The following SYT1 variants were observed in gnomAD, a reference collection of about 807,000 sequenced individuals.
The protein encoded by SYT1 is synaptotagmin-1.
Under a neutral mutation model 44.8 loss-of-function variants are expected in SYT1, and 8 were observed. The observed-to-expected ratio is 0.18, with a 90% confidence interval of 0.10 to 0.32. The LOEUF is 0.32. SYT1 is among the 10% of genes least tolerant of loss of function. SYT1 has a pLI of 1.00. For missense variants in SYT1, 286 were observed against 509.3 expected (o/e 0.56, Z 4.22); for synonymous variants, 154 against 188.8 (o/e 0.82, Z 1.51).
intron 1 of SYT1, among the ~76,000 whole-genome samples, chr12:78,923,032 T>G (rs564967281): frequency 6.6e-6 from 1 of 152,120 alleles, no homozygotes; most frequent in African/African-American, 2.4e-5. Flanking sequence ...TCTCCTCTGC[T>G]TCTTGCACAC....
chr12:78,993,007 CT>C (rs1870123247), intron 2 of SYT1, among the ~76,000 whole-genome samples: 1 of 152,162 alleles, frequency 6.6e-6, no homozygotes, highest in African/African-American at 2.4e-5. Context: ...AACTTTTACA[CT>C]TGCTCTTTGG....
At chr12:79,419,117 A>G (rs1182401641) in intron 9 of SYT1, 1 of 376,918 alleles carries the variant, frequency 2.7e-6, no homozygotes, top group Non-Finnish European at 5.2e-6. Flanking sequence ...TATTTTAGGC[A>G]AAACGAAACC....
At chr12:78,876,680 T>C (rs1382193973) in intron 1 of SYT1, among the ~76,000 whole-genome samples, 1 of 108,772 alleles carries the variant, frequency 9.2e-6, no homozygotes, top group East Asian at 2.4e-4. Flanking sequence ...TACATGTGTG[T>C]ATATATACAC....
At chr12:78,944,857 C>T (rs1878569114) in intron 1 of SYT1, among the ~76,000 whole-genome samples, 1 of 152,028 alleles carries the variant, frequency 6.6e-6, no homozygotes, top group Non-Finnish European at 1.5e-5. Context: ...AGATTAATAT[C>T]CAGTATGCAA....
At chr12:79,345,114 G>A (rs115948365) in intron 8 of SYT1, among the ~76,000 whole-genome samples, 411 of 152,132 alleles carry the variant, frequency 2.7e-3, no homozygotes, top group African/African-American at 9.4e-3. Flanking sequence ...TCAGGTAACC[G>A]CTCCTCCAGG....
intron 4 of SYT1, among the ~76,000 whole-genome samples, chr12:79,242,228 C>T (rs926037394): frequency 2.6e-5 from 4 of 152,174 alleles, no homozygotes; most frequent in African/African-American, 9.7e-5. Flanking sequence ...ACGAATGCTG[C>T]AATGACTTTA....
chr12:79,438,686 C>T (rs1870232309), intron 9 of SYT1, among the ~76,000 whole-genome samples: 1 of 152,036 alleles, frequency 6.6e-6, no homozygotes, highest in Admixed American at 6.6e-5. Context: ...ATATCCTCTT[C>T]CTTGAAAATA....
intron 8 of SYT1, among the ~76,000 whole-genome samples, chr12:79,312,903 T>C (rs543360808): frequency 6.2e-4 from 95 of 152,188 alleles, no homozygotes; most frequent in African/African-American, 2.3e-3. Context: ...CTGTTTTGCA[T>C]ATGACTGCTG....
At chr12:79,360,952 A>G (rs1325545311) in intron 9 of SYT1, among the ~76,000 whole-genome samples, 1 of 152,192 alleles carries the variant, frequency 6.6e-6, no homozygotes, top group Non-Finnish European at 1.5e-5. Context: ...TGCCTGAAGG[A>G]CTAAAAGTTT....
chr12:79,128,873 CT>C (rs1236666057), intron 3 of SYT1, among the ~76,000 whole-genome samples: 1 of 152,174 alleles, frequency 6.6e-6, no homozygotes, highest in African/African-American at 2.4e-5. Context: ...CCAAGCTGGA[CT>C]TACTGGTAAT....
intron 3 of SYT1, among the ~76,000 whole-genome samples, chr12:79,076,086 G>A (rs751628869): frequency 8.6e-5 from 13 of 152,022 alleles, no homozygotes; most frequent in Admixed American, 2.6e-4. Flanking sequence ...GCAAAGGAAC[G>A]GGGAAACCTA....
intron 3 of SYT1, among the ~76,000 whole-genome samples, chr12:79,140,846 A>G (rs186835476): frequency 7.9e-5 from 12 of 152,284 alleles, no homozygotes; most frequent in Admixed American, 7.8e-4. Context: ...CACCCCTGTG[A>G]CCATTACTGT....
chr12:78,871,531 T>A (rs1873820777), intron 1 of SYT1, among the ~76,000 whole-genome samples: 1 of 151,964 alleles, frequency 6.6e-6, no homozygotes, highest in Non-Finnish European at 1.5e-5. Flanking sequence ...ACCTGCTTAT[T>A]TTTGAGGGAA....
At chr12:78,865,509 G>A (rs931949286) in intron 1 of SYT1, among the ~76,000 whole-genome samples, 5 of 151,872 alleles carry the variant, frequency 3.3e-5, no homozygotes, top group African/African-American at 7.3e-5. Flanking sequence ...TTTCTTAGAG[G>A]AAAGAGGGGG....
chr12:79,204,129 A>G (rs1246015056), intron 3 of SYT1, among the ~76,000 whole-genome samples: 1 of 152,244 alleles, frequency 6.6e-6, no homozygotes, highest in Non-Finnish European at 1.5e-5. Context: ...ACACTGTAAT[A>G]ATATTGCCTG....
chr12:79,114,232 G>A (rs1421313291), intron 3 of SYT1, among the ~76,000 whole-genome samples: 4 of 152,276 alleles, frequency 2.6e-5, no homozygotes, highest in Admixed American at 2.0e-4. Context: ...GTGTGGGAGA[G>A]CACGGCTTTA....
intron 1 of SYT1, among the ~76,000 whole-genome samples, chr12:78,930,802 C>T (rs909499110): frequency 1.3e-5 from 2 of 151,918 alleles, no homozygotes; most frequent in Admixed American, 6.6e-5. Context: ...GAGTAATATA[C>T]AGATTTGTAA....
At chr12:79,328,923 A>C (rs1487930227) in intron 8 of SYT1, among the ~76,000 whole-genome samples, 1 of 152,178 alleles carries the variant, frequency 6.6e-6, no homozygotes, top group Non-Finnish European at 1.5e-5. Flanking sequence ...CAAAGGAAAA[A>C]AAATGCCCTG....
At chr12:79,179,019 TAG>T (rs1384377501) in intron 3 of SYT1, among the ~76,000 whole-genome samples, 1 of 36,850 alleles carries the variant, frequency 2.7e-5, no homozygotes, top group Non-Finnish European at 5.6e-5. Context: ...TATATAGATA[TAG>T]ATATAGATAT....
Sources: allele counts gnomAD v4.1 joint callset (sites outside exome capture counted in the v4.1 genomes callset), GRCh38; gene constraint gnomAD v4.1.1; transcripts MANE v1.5; gene names NCBI Gene and HGNC (gene_info 2026-07-23, HGNC 2026-07-21).